Variants in PPHLN1 observed in about 807,000 individuals in gnomAD.
PPHLN1 encodes the protein periphilin 1.
PPHLN1 carries 29 observed loss-of-function variants against 51.3 expected under a neutral mutation model. That is an observed-to-expected ratio of 0.57 (90% CI 0.42 to 0.77). The LOEUF is 0.77. Ranked by LOEUF, PPHLN1 falls within the 30% of genes least tolerant of loss-of-function variation. The pLI, the probability that PPHLN1 is intolerant of heterozygous loss-of-function variation, is 0.00. For synonymous variants in PPHLN1, 147 were observed against 147.8 expected, an observed-to-expected ratio of 0.99 and a Z score of 0.04; for missense variants, 436 against 438.4, an observed-to-expected ratio of 0.99 and a Z score of 0.05.
intron 5 of PPHLN1, among the ~76,000 whole-genome samples, chr12:42,378,472 T>C (rs1258266239): frequency 6.6e-6 from 1 of 152,130 alleles, no homozygotes; most frequent in Non-Finnish European, 1.5e-5. Context: ...ATCAGTCACT[T>C]AAGCTGGGAT....
intron 4 of PPHLN1, among the ~76,000 whole-genome samples, chr12:42,357,613 G>A (rs2074189080): frequency 6.6e-6 from 1 of 152,172 alleles, no homozygotes; most frequent in South Asian, 2.1e-4. Context: ...TAAGACCTAT[G>A]TGAAAGGCAG....
In PPHLN1 at chr12:42,385,728, T is replaced by C. The variant is rs542123797; in HGVS notation, c.568+732T>C. Among the ~76,000 whole-genome samples the C allele has an allele frequency of 3.7e-4, 57 of 152,304 alleles. 2 individuals are homozygous for C. Among genetic ancestry groups the C allele is most frequent in the African/African-American group, 1.4e-3 (57 of 41,552 alleles). Reference sequence around the variant, plus strand: ...ATAGGATTGGGAGGTCATTGCATCTTAGGTATAGAAAAGTGAGGTTCATCT... The same window carrying C: ...ATAGGATTGGGAGGTCATTGCATCTCAGGTATAGAAAAGTGAGGTTCATCT... On this transcript the variant is annotated intron_variant, in intron 6 of 9. Coordinates refer to ENST00000358314, the MANE Select transcript of PPHLN1 (RefSeq NM_201439.2).
At chr12:42,442,670 C>T, downstream of PPHLN1, 2 of 1,614,106 alleles carry the variant, frequency 1.2e-6, no homozygotes, top group Non-Finnish European at 1.7e-6. Context: ...GCAGCAGGTA[C>T]CCCCTGTGAG....
downstream of PPHLN1, chr12:42,442,494 G>C (rs1037341748): frequency 8.7e-7 from 1 of 1,145,190 alleles, no homozygotes; most frequent in South Asian, 1.5e-5. Context: ...GGCCTTTGGC[G>C]TTCTGTCTGT....
chr12:42,428,092 A>G (rs1253684581), intron 9 of PPHLN1, among the ~76,000 whole-genome samples: 1 of 152,260 alleles, frequency 6.6e-6, no homozygotes, highest in African/African-American at 2.4e-5. Context: ...GCCGTAATCA[A>G]AAAAATCAAA....
chr12:42,366,480 G>A lies in PPHLN1; in HGVS notation c.300-8383G>A, dbSNP rs528615872. On this transcript the variant is annotated intron_variant, in intron 4 of 9. Coordinates refer to ENST00000358314, the MANE Select transcript of PPHLN1 (RefSeq NM_201439.2). ...TGAACTCAGGTGATCTGCCCTCCTC[G>A]GCTCCCAAAGTGCTGGGATTACAGG... 3.9e-5 allele frequency among the ~76,000 whole-genome samples: 6 copies of A among 152,004 alleles called. No homozygotes were observed. In the East Asian group the frequency reaches 5.8e-4, roughly 15 times the overall value.
At chr12:42,345,525 T>C (rs1247818990) in intron 2 of PPHLN1, among the ~76,000 whole-genome samples, 1 of 151,760 alleles carries the variant, frequency 6.6e-6, no homozygotes, top group East Asian at 1.9e-4. Flanking sequence ...ATCCAATAAA[T>C]TCTATGCATA....
chr12:42,358,676 G>A (rs1489598603), intron 4 of PPHLN1, among the ~76,000 whole-genome samples: 3 of 152,216 alleles, frequency 2.0e-5, no homozygotes, highest in Non-Finnish European at 2.9e-5. Context: ...AGAGTGCTGG[G>A]ATTATAGGCA....
downstream of PPHLN1, chr12:42,446,193 A>T (rs753339748): frequency 5.0e-6 from 8 of 1,612,168 alleles, no homozygotes; most frequent in Non-Finnish European, 6.8e-6. Flanking sequence ...AAGACAACTC[A>T]GGAGGCTGAG....
intron 9 of PPHLN1, among the ~76,000 whole-genome samples, chr12:42,415,337 A>G (rs1420813935): frequency 1.3e-5 from 2 of 152,020 alleles, no homozygotes; most frequent in Non-Finnish European, 2.9e-5. Context: ...ACACCCAGCT[A>G]ATTTGTATGT....
chr12:42,393,499 G>A (rs1391268765), intron 7 of PPHLN1, 71 bp from the exon 8 acceptor site: 1 of 1,398,104 alleles, frequency 7.2e-7, no homozygotes, highest in Non-Finnish European at 9.6e-7. Flanking sequence ...TGTAAGTGGA[G>A]TGTACTTCTT....
At chr12:42,411,735 T>C (rs532692412) in intron 9 of PPHLN1, among the ~76,000 whole-genome samples, 34 of 150,264 alleles carry the variant, frequency 2.3e-4, no homozygotes, top group Non-Finnish European at 4.7e-4. Context: ...TGAAACCCTG[T>C]CTCTACTAAA....
intron 9 of PPHLN1, among the ~76,000 whole-genome samples, chr12:42,422,241 A>G (rs1037042688): frequency 3.9e-5 from 6 of 152,260 alleles, no homozygotes; most frequent in Admixed American, 2.0e-4. Flanking sequence ...CAACACAAAT[A>G]ACACTAAACC....
rs35683626 is a variant in PPHLN1, at chr12:42,374,607, ATT to A, written c.300-237_300-236del. 8.2e-3 allele frequency: 1,304 copies of A among 159,722 alleles called. 4 individuals are homozygous for A. The highest frequency in any genetic ancestry group is 0.016 in the South Asian group (174 of 10,718). 9.9% of individuals were successfully genotyped at this position (159,722 alleles called of 1,614,324 possible). ...AGGCACCTGCCACCACGCCCAGCTA[ATT>A]TTTTTTTTTTTTTTTTTTGTATTTT... is the stretch of plus-strand genomic sequence containing the variant. On this transcript the variant is annotated intron_variant, in intron 4 of 9. Transcript: ENST00000358314.
intron 5 of PPHLN1, among the ~76,000 whole-genome samples, chr12:42,383,679 T>C (rs2076942395): frequency 6.6e-6 from 1 of 152,110 alleles, no homozygotes; most frequent in African/African-American, 2.4e-5. Flanking sequence ...GAGCAATTGC[T>C]GTAGGTGAAC....
In PPHLN1 at chr12:42,368,305, A is replaced by G. The variant is rs558774806; in HGVS notation, c.300-6558A>G. Among the ~76,000 whole-genome samples, 5 of 152,148 alleles carry G rather than the reference A, an allele frequency of 3.3e-5. No individual in the cohort carries two copies. In the South Asian group the frequency reaches 1.0e-3, roughly 32 times the overall value. On this transcript the variant is annotated intron_variant, in intron 4 of 9. Coordinates refer to ENST00000358314, the MANE Select transcript of PPHLN1 (RefSeq NM_201439.2). The stretch of plus-strand genomic sequence containing the variant: ...GCTTTTCAATTCACCTGAATTTATC[A>G]TGATATGCGTTATAATAAGAATTGA...
At chr12:42,344,203 A>G (rs538028684) in intron 2 of PPHLN1, among the ~76,000 whole-genome samples, 1 of 152,202 alleles carries the variant, frequency 6.6e-6, no homozygotes, top group Non-Finnish European at 1.5e-5. Flanking sequence ...AAGGTTTTGT[A>G]GGCTTACATT....
chr12:42,331,836 G>C (rs1192038049), intron 1 of PPHLN1: 1 of 152,178 alleles, frequency 6.6e-6, no homozygotes, highest in Non-Finnish European at 1.5e-5. Context: ...GAGATGTAGT[G>C]ATGATGTGGC....
chr12:42,338,127 G>A (rs150364472), intron 2 of PPHLN1, among the ~76,000 whole-genome samples: 36 of 152,074 alleles, frequency 2.4e-4, no homozygotes, highest in Admixed American at 7.9e-4. Flanking sequence ...GGGTTTTGCC[G>A]TGTTGGCCAG....
Sources: gnomAD v4.1 joint callset for allele counts (sites outside exome capture counted in the v4.1 genomes callset) on GRCh38, gnomAD v4.1.1 for gene constraint, MANE v1.5 for transcripts, NCBI Gene and HGNC (gene_info 2026-07-23, HGNC 2026-07-21) for gene names.